Variants in EFNB2 observed in about 807,000 individuals in gnomAD.
EFNB2 encodes the protein ephrin B2, also known as ephrin-B2.
In EFNB2, 5 loss-of-function variants were observed where a neutral mutation model predicts 32.1. The ratio of observed to expected loss-of-function variants is 0.16; its 90% CI spans 0.08 to 0.33. The LOEUF (loss-of-function observed/expected upper bound fraction) is 0.33. Among genes scored for constraint, EFNB2 ranks in the 10% least tolerant of loss-of-function variants. The pLI is 1.00. For synonymous variants in EFNB2, 168 were observed against 166.5 expected, an observed-to-expected ratio of 1.01 and a Z score of -0.07; for missense variants, 263 against 422.6, an observed-to-expected ratio of 0.62 and a Z score of 3.31.
At chr13:106,519,518 C>G (rs568059198) in intron 1 of EFNB2, 37 of 152,252 alleles carry the variant, frequency 2.4e-4, no homozygotes, top group African/African-American at 7.9e-4. Context: ...TCGCATTACT[C>G]TCCACAAAGA....
At chr13:106,521,620 A>T (rs1268960663) in intron 1 of EFNB2, 1 of 152,202 alleles carries the variant, frequency 6.6e-6, no homozygotes, top group Non-Finnish European at 1.5e-5. Context: ...TTCACAGCCC[A>T]CAGTGCTGCA....
intron 1 of EFNB2, 56 bp downstream of exon 1, chr13:106,534,787 G>C: frequency 2.6e-6 from 4 of 1,554,666 alleles, no homozygotes; most frequent in Non-Finnish European, 3.5e-6. Context: ...CCTCCCGCCC[G>C]GACGGCGCGG....
chr13:106,533,603 A>T (rs1879956710), intron 1 of EFNB2, among the ~76,000 whole-genome samples: 1 of 152,086 alleles, frequency 6.6e-6, no homozygotes, highest in African/African-American at 2.4e-5. Flanking sequence ...GTGAATTTGA[A>T]ATTTGACACT....
intron 2 of EFNB2, among the ~76,000 whole-genome samples, chr13:106,500,610 C>T (rs775915126): frequency 1.6e-4 from 25 of 152,304 alleles, no homozygotes; most frequent in Middle Eastern, 3.4e-3. Flanking sequence ...AGAATAAAAA[C>T]GTTGCCCTTA....
intron 2 of EFNB2, among the ~76,000 whole-genome samples, chr13:106,504,348 G>A (rs1329241229): frequency 6.6e-6 from 1 of 152,200 alleles, no homozygotes; most frequent in Non-Finnish European, 1.5e-5. Context: ...CCGAATTAAT[G>A]TCTGCTGACA....
rs1879178952 is a variant in EFNB2, at chr13:106,512,575, G to A, written c.360C>T (p.Asn120=). 6.2e-7 allele frequency: 1 copy of A among 1,613,324 alleles called. No individual in the cohort carries two copies. The highest frequency in any genetic ancestry group is 8.5e-7 in the Non-Finnish European group (1 of 1,179,468). Residue 120 remains asparagine (N), a synonymous_variant, in exon 2 of 5, where the codon AAC becomes AAT. Transcript: ENST00000646441. ...FTIKFQEFSP[N]LWGLEFQKNK... ...TCTTCTGAAATTCTAGACCCCAGAG[G>A]TTAGGGCTGAATTCTTGAAACTTGA... is the stretch of plus-strand genomic sequence containing the variant.
chr13:106,534,629 A>G (rs1169913564), intron 1 of EFNB2, among the ~76,000 whole-genome samples: 5 of 144,618 alleles, frequency 3.5e-5, no homozygotes, highest in South Asian at 4.5e-4. Context: ...GGGGGAGGAA[A>G]GGCGGAGAGA....
intron 3 of EFNB2, 69 bp from the exon 4 acceptor site, chr13:106,495,063 T>C (rs956352051): frequency 6.8e-5 from 85 of 1,242,498 alleles, no homozygotes; most frequent in Middle Eastern, 1.9e-4. Flanking sequence ...GAGCTGCATA[T>C]ATATTTCAAC....
chr13:106,509,234 T>C (rs970798668), intron 2 of EFNB2, among the ~76,000 whole-genome samples: 5 of 152,182 alleles, frequency 3.3e-5, no homozygotes, highest in Admixed American at 3.3e-4. Flanking sequence ...GCTGTTCATG[T>C]AGGGTACTCC....
chr13:106,532,797 G>T lies in EFNB2; in HGVS notation c.122+2046C>A, dbSNP rs186561791. Among the ~76,000 whole-genome samples the T allele has an allele frequency of 2.7e-3, 395 of 146,074 alleles. 2 individuals are homozygous for T. The highest frequency in any genetic ancestry group is 9.4e-3 in the African/African-American group (377 of 40,094). On this transcript the variant is annotated intron_variant, in intron 1 of 4. Coordinates refer to ENST00000646441, the MANE Select transcript of EFNB2 (RefSeq NM_004093.4). The stretch of plus-strand genomic sequence containing the variant: ...TCGCAGGTCTGGACATAGCTGGAAA[G>T]ACAGACTCATCTTCATCATCAGAAT...
In EFNB2 at chr13:106,492,717, C is replaced by T; in HGVS notation, c.*323G>A. 4.1e-6 allele frequency: 1 copy of T among 245,886 alleles called. No individual in the cohort carries two copies. The highest frequency in any genetic ancestry group is 8.0e-6 in the Non-Finnish European group (1 of 125,474). The allele number at this position is 245,886 out of a possible 1,614,324, so 15.2% of individuals were successfully genotyped here. On this transcript the variant is annotated 3_prime_UTR_variant, in exon 5 of 5. Coordinates refer to ENST00000646441, the MANE Select transcript of EFNB2 (RefSeq NM_004093.4). This position sits in a 1 kb window ranked among gnomAD's most constrained non-coding sequence, Gnocchi z 5.1. ...TCACAGCCCTCTCGTCCACAAACCACTGTCTTCCCTTGGCTTCTGCAGAGG... is the reference window on the plus strand; with the variant it reads ...TCACAGCCCTCTCGTCCACAAACCATTGTCTTCCCTTGGCTTCTGCAGAGG...
At chr13:106,531,261 A>C (rs1221049836) in intron 1 of EFNB2, among the ~76,000 whole-genome samples, 2 of 152,210 alleles carry the variant, frequency 1.3e-5, no homozygotes, top group Non-Finnish European at 2.9e-5. Context: ...TCTGAAAAGA[A>C]GGCTACCAAG....
At chr13:106,534,742 A>G (rs1380037078) in intron 1 of EFNB2, 101 bp downstream of exon 1, 1 of 1,396,418 alleles carries the variant, frequency 7.2e-7, no homozygotes, top group Non-Finnish European at 9.6e-7. Flanking sequence ...CCGAGGTTCC[A>G]GAAACAGGCT....
rs543274632 is a variant in EFNB2, at chr13:106,510,726, T to C, written c.406+1803A>G. 4.7e-4 allele frequency among the ~76,000 whole-genome samples: 71 copies of C among 151,192 alleles called. No homozygotes were observed. The South Asian group carries it at 0.014, about 30-fold the overall frequency. On this transcript the variant is annotated intron_variant, in intron 2 of 4. Transcript: ENST00000646441. ...GAAAAAGTCTTACTTTAAAAGTCTT[T>C]ACTAAGGCCAGGCGCGGTGGCTCAC... is the stretch of plus-strand genomic sequence containing the variant.
In EFNB2 at chr13:106,528,497, A is replaced by G. The variant is rs562488147; in HGVS notation, c.122+6346T>C. On this transcript the variant is annotated intron_variant, in intron 1 of 4. Coordinates refer to ENST00000646441, the MANE Select transcript of EFNB2 (RefSeq NM_004093.4). ...AAAAAAAAAAACAACAACAACAACA[A>G]AAAAACAGCACTGAATTCCCCTTTG... Among the ~76,000 whole-genome samples, 486 of 152,184 alleles carry G rather than the reference A, an allele frequency of 3.2e-3. 2 individuals are homozygous for G. The highest frequency in any genetic ancestry group is 0.011 in the African/African-American group (466 of 41,532).
intron 1 of EFNB2, chr13:106,516,326 C>T (rs1047797323): frequency 6.6e-6 from 1 of 152,194 alleles, no homozygotes; most frequent in African/African-American, 2.4e-5. Flanking sequence ...CTTCTACAAT[C>T]CCTCTCTACT....
chr13:106,497,438 TAAG>T (rs1878627611), intron 2 of EFNB2, among the ~76,000 whole-genome samples: 1 of 144,742 alleles, frequency 6.9e-6, no homozygotes, highest in Non-Finnish European at 1.5e-5. Context: ...TGTAGACCAT[TAAG>T]AAACTATTCA....
rs1188218084 is a variant in EFNB2, at chr13:106,491,627, A to T, written c.*1413T>A. On this transcript the variant is annotated 3_prime_UTR_variant, in exon 5 of 5. Transcript: ENST00000646441. ...CCGTATGTGCTTCACCTTGACACAG[A>T]GCACCGGGCGCTGCAGCCTCCATCA... is the stretch of plus-strand genomic sequence containing the variant. 1 of 152,596 alleles carries T rather than the reference A, an allele frequency of 6.6e-6. No homozygotes were observed. The highest frequency in any genetic ancestry group is 1.9e-4 in the East Asian group (1 of 5,168). The allele number at this position is 152,596 out of a possible 1,614,324, so 9.5% of individuals were successfully genotyped here.
intron 2 of EFNB2, among the ~76,000 whole-genome samples, chr13:106,502,479 T>C (rs1365454008): frequency 6.6e-6 from 1 of 152,218 alleles, no homozygotes. Context: ...GTTTGGTAAG[T>C]TGATTTTGTT....
Sources: allele counts gnomAD v4.1 joint callset (sites outside exome capture counted in the v4.1 genomes callset), GRCh38; gene constraint gnomAD v4.1.1; non-coding constraint Gnocchi (gnomAD v3.1); transcripts MANE v1.5; gene names NCBI Gene and HGNC (gene_info 2026-07-23, HGNC 2026-07-21).